Variants in METTL15 observed in about 807,000 individuals in gnomAD.
METTL15 encodes 12S rRNA N(4)-cytidine methyltransferase METTL15.
Under a neutral mutation model 38.3 loss-of-function variants are expected in METTL15, and 34 were observed. The ratio of observed to expected loss-of-function variants is 0.89; its 90% CI spans 0.68 to 1.18. The LOEUF (loss-of-function observed/expected upper bound fraction) is 1.18, where lower values mean the gene tolerates loss of function less well. Ranked by LOEUF, METTL15 falls within the 50% of genes most tolerant of loss-of-function variation. The probability of loss-of-function intolerance (pLI) is 0.00; values close to 1 mark genes in which losing one functional copy is unlikely to be tolerated. For missense variants in METTL15, 438 were observed against 498.4 expected (o/e 0.88, Z 1.15); for synonymous variants, 162 against 170.9 (o/e 0.95, Z 0.41).
At chr11:28,365,449 T>C (rs1461017923) in intron 5 of METTL15, among the ~76,000 whole-genome samples, 2 of 152,206 alleles carry the variant, frequency 1.3e-5, no homozygotes, top group East Asian at 1.9e-4. Flanking sequence ...GATTTTCTAA[T>C]TTGTGTGCAT....
intron 6 of METTL15, among the ~76,000 whole-genome samples, chr11:28,467,034 C>T (rs1164563635): frequency 2.0e-5 from 3 of 152,212 alleles, no homozygotes; most frequent in Non-Finnish European, 2.9e-5. Flanking sequence ...AAATATCCCT[C>T]TCCCAGATTC....
intron 6 of METTL15, among the ~76,000 whole-genome samples, chr11:28,445,904 G>C (rs781443354): frequency 1.3e-5 from 2 of 152,042 alleles, no homozygotes; most frequent in Non-Finnish European, 2.9e-5. Context: ...TTCCTGCCTA[G>C]GCTCCCAAAG....
downstream of METTL15, among the ~76,000 whole-genome samples, chr11:28,527,691 G>A (rs117833066): frequency 2.0e-4 from 30 of 152,282 alleles, 1 homozygote; most frequent in East Asian, 5.8e-3. Flanking sequence ...GGTATTTGAA[G>A]GCCTCCCCAA....
chr11:28,194,343 C>T (rs758978033), intron 3 of METTL15, among the ~76,000 whole-genome samples: 48 of 151,764 alleles, frequency 3.2e-4, no homozygotes, highest in Middle Eastern at 3.4e-3. Context: ...GGATTACAGG[C>T]GTCTGCCACC....
At chr11:28,220,748 G>T (rs967009762) in intron 4 of METTL15, among the ~76,000 whole-genome samples, 1 of 152,200 alleles carries the variant, frequency 6.6e-6, no homozygotes, top group Non-Finnish European at 1.5e-5. Flanking sequence ...CTCTTGTAGG[G>T]CAGGGCTGGT....
At chr11:28,193,456 T>C (rs572555612) in intron 3 of METTL15, among the ~76,000 whole-genome samples, 49 of 152,118 alleles carry the variant, frequency 3.2e-4, no homozygotes, top group Non-Finnish European at 6.0e-4. Flanking sequence ...TAAGAACTCT[T>C]ATCATGAGAA....
chr11:28,445,354 G>A (rs1289784920), intron 6 of METTL15, among the ~76,000 whole-genome samples: 4 of 152,052 alleles, frequency 2.6e-5, no homozygotes, highest in Non-Finnish European at 5.9e-5. Flanking sequence ...ATGTGTGTGT[G>A]TTTACTACTT....
At chr11:28,171,884 T>C (rs1383016616) in intron 3 of METTL15, among the ~76,000 whole-genome samples, 2 of 151,944 alleles carry the variant, frequency 1.3e-5, no homozygotes, top group Non-Finnish European at 2.9e-5. Flanking sequence ...CTCAATCTCC[T>C]GGGCTCAGGT....
chr11:28,222,161 C>T (rs1853263109), intron 4 of METTL15, among the ~76,000 whole-genome samples: 2 of 152,210 alleles, frequency 1.3e-5, no homozygotes. Context: ...GTGGAGCCTA[C>T]AGAGGCAGGC....
intron 5 of METTL15, among the ~76,000 whole-genome samples, chr11:28,394,224 G>A (rs1305340475): frequency 6.6e-6 from 1 of 152,030 alleles, no homozygotes; most frequent in African/African-American, 2.4e-5. Context: ...CATTATCACA[G>A]GCTCTATGAC....
intron 5 of METTL15, among the ~76,000 whole-genome samples, chr11:28,397,958 A>G (rs928557884): frequency 2.0e-5 from 3 of 152,088 alleles, no homozygotes; most frequent in Non-Finnish European, 4.4e-5. Context: ...TGAAACTTGA[A>G]ACCATCATTC....
intron 3 of METTL15, among the ~76,000 whole-genome samples, chr11:28,161,732 GA>G (rs11353967): frequency 0.088 from 13,296 of 151,900 alleles, 1,036 homozygotes; most frequent in East Asian, 0.36. Context: ...TTTACATCTT[GA>G]AAAAAAGGAA....
intron 5 of METTL15, among the ~76,000 whole-genome samples, chr11:28,406,776 G>T (rs1263434832): frequency 6.6e-6 from 1 of 152,090 alleles, no homozygotes; most frequent in Non-Finnish European, 1.5e-5. Flanking sequence ...TTCCAAGGGG[G>T]ATGGTTCCAG....
At chr11:28,167,010 G>A (rs1342899455) in intron 3 of METTL15, among the ~76,000 whole-genome samples, 2 of 151,882 alleles carry the variant, frequency 1.3e-5, no homozygotes, top group African/African-American at 2.4e-5. Flanking sequence ...TTCTATATCC[G>A]GCACTTCTGA....
chr11:28,413,253 C>T (rs969807606), intron 5 of METTL15, among the ~76,000 whole-genome samples: 5 of 151,978 alleles, frequency 3.3e-5, no homozygotes, highest in African/African-American at 1.2e-4. Context: ...TTCTTTACCT[C>T]TTAATTACCA....
At chr11:28,194,542 C>T (rs900516739) in intron 3 of METTL15, among the ~76,000 whole-genome samples, 1 of 151,706 alleles carries the variant, frequency 6.6e-6, no homozygotes, top group African/African-American at 2.4e-5. Context: ...GGTAACAGAA[C>T]TGTGACCAAG....
intron 5 of METTL15, among the ~76,000 whole-genome samples, chr11:28,387,544 G>A (rs1850453751): frequency 6.6e-6 from 1 of 151,816 alleles, no homozygotes; most frequent in African/African-American, 2.4e-5. Flanking sequence ...AGATTAAATC[G>A]GTAATTAAAA....
intron 5 of METTL15, among the ~76,000 whole-genome samples, chr11:28,404,294 C>G (rs943737532): frequency 6.6e-6 from 1 of 151,952 alleles, no homozygotes; most frequent in Non-Finnish European, 1.5e-5. Context: ...AAAACAATTA[C>G]CATAAATTGT....
chr11:28,111,117 C>T (rs1468107151), intron 2 of METTL15, among the ~76,000 whole-genome samples: 1 of 152,142 alleles, frequency 6.6e-6, no homozygotes, highest in African/African-American at 2.4e-5. Flanking sequence ...GGCAAATGAA[C>T]TATTTGTCAC....
Sources: gnomAD v4.1 joint callset for allele counts (sites outside exome capture counted in the v4.1 genomes callset) on GRCh38, gnomAD v4.1.1 for gene constraint, MANE v1.5 for transcripts, NCBI Gene and HGNC (gene_info 2026-07-23, HGNC 2026-07-21) for gene names.